Variants in JADE1 observed in about 807,000 individuals in gnomAD.
JADE1 encodes jade family PHD finger 1.
A neutral mutation model predicts 81.8 loss-of-function variants in JADE1; 14 were observed. The ratio of observed to expected loss-of-function variants is 0.17; its 90% CI spans 0.11 to 0.27. The LOEUF is 0.27. Ranked by LOEUF, JADE1 falls within the 10% of genes least tolerant of loss-of-function variation. The pLI is 1.00. For missense variants in JADE1, 690 were observed against 1,047.9 expected, an observed-to-expected ratio of 0.66 and a Z score of 4.71; for synonymous variants, 353 against 391.9, an observed-to-expected ratio of 0.90 and a Z score of 1.17.
chr4:128,825,794 G>A (rs1009690714), intron 1 of JADE1, among the ~76,000 whole-genome samples: 3 of 152,218 alleles, frequency 2.0e-5, no homozygotes, highest in African/African-American at 7.2e-5. Flanking sequence ...CATGACAGAA[G>A]GGATCCAAGG....
chr4:128,861,375 C>T (rs567725950), intron 8 of JADE1, among the ~76,000 whole-genome samples: 57 of 152,270 alleles, frequency 3.7e-4, no homozygotes, highest in African/African-American at 1.3e-3. Context: ...CCTTAAATTC[C>T]AAGACTTGGC....
Position 128,855,678 on chromosome 4 carries a change from A to T in JADE1, c.745A>T (p.Thr249Ser), listed in dbSNP as rs1730735969. ...KVPEGSWLCR[T>S]CALGVQPKCL... is the part of the protein sequence containing the mutation. ...ACCAGAGGGCAGCTGGCTGTGCCGG[A>T]CATGTGCCCTGGGGGTTCAGCCAAA... The change falls in exon 7 of 11, where the codon ACA becomes TCA. Residue 249 changes from threonine to serine, a missense_variant. By Grantham distance (58) the Thr-to-Ser change is moderately conservative. Coordinates refer to ENST00000226319, the MANE Select transcript of JADE1 (RefSeq NM_199320.4). 2 of 1,614,130 alleles carry T rather than the reference A, an allele frequency of 1.2e-6. No individual in the cohort carries two copies. Among genetic ancestry groups the T allele is most frequent in the Non-Finnish European group, 1.7e-6 (2 of 1,179,986 alleles).
rs1732379734 is a variant in JADE1 at position 128,873,800 on chromosome 4, TAATGA to T, written c.*1540_*1544del. ...CATATGGCAGGGACATTATGATACT[TAATGA>T]ATAATGCTTTGAGGAGTTCTGCAGT... On this transcript the variant is annotated 3_prime_UTR_variant, in exon 11 of 11. Coordinates refer to ENST00000226319, the MANE Select transcript of JADE1 (RefSeq NM_199320.4). 1 of 152,616 alleles carries T rather than the reference TAATGA, an allele frequency of 6.6e-6. No individual in the cohort carries two copies. The highest frequency in any genetic ancestry group is 1.5e-5 in the Non-Finnish European group (1 of 68,044). 9.5% of individuals were successfully genotyped at this position (152,616 alleles called of 1,614,324 possible). A position where few individuals can be genotyped will look rare whatever the true frequency, so the allele number is the denominator to read the frequency against.
In JADE1 at chr4:128,861,739, G is replaced by A. The variant is rs373079626; in HGVS notation, c.1017G>A (p.Val339=). ...SVKNCRTAFH[V]TCAFDRGLEM... is the part of the protein sequence containing the mutation. ...AGAACTGCCGCACAGCCTTCCATGT[G>A]ACCTGTGCTTTTGACCGGGGCCTGG... is the stretch of plus-strand genomic sequence containing the variant. The change falls in exon 9 of 11, where the codon GTG becomes GTA. Residue 339 remains valine (V), a synonymous_variant. Transcript: ENST00000226319. 6.2e-6 allele frequency: 10 copies of A among 1,614,028 alleles called. No homozygotes were observed. In the African/African-American group the frequency reaches 1.3e-4, roughly 22 times the overall value.
At chr4:128,825,609 T>C (rs188385708) in intron 1 of JADE1, among the ~76,000 whole-genome samples, 190 of 152,334 alleles carry the variant, frequency 1.2e-3, no homozygotes, top group Middle Eastern at 3.4e-3. Flanking sequence ...CTGGTGACTT[T>C]TATAGCACTT....
intron 3 of JADE1, among the ~76,000 whole-genome samples, chr4:128,844,386 T>C (rs545409859): frequency 6.6e-6 from 1 of 152,192 alleles, no homozygotes; most frequent in Non-Finnish European, 1.5e-5. Flanking sequence ...CCAAACTATA[T>C]GTATGGCACT....
At chr4:128,820,358 C>T (rs375093246) in intron 1 of JADE1, among the ~76,000 whole-genome samples, 5 of 151,984 alleles carry the variant, frequency 3.3e-5, no homozygotes, top group African/African-American at 1.2e-4. Context: ...GTGATCCACC[C>T]ACCTCACCCT....
intron 8 of JADE1, among the ~76,000 whole-genome samples, chr4:128,859,557 ATG>A (rs1034855696): frequency 7.5e-5 from 8 of 107,018 alleles, no homozygotes; most frequent in Admixed American, 4.7e-4. Context: ...GTATATGTGT[ATG>A]TGTGTGAGTA....
Position 128,862,090 on chromosome 4 carries a change from G to A in JADE1, c.1368G>A (p.Leu456=). The A allele has an allele frequency of 1.9e-6, 3 of 1,614,188 alleles. No homozygotes were observed. The highest frequency in any genetic ancestry group is 2.5e-6 in the Non-Finnish European group (3 of 1,180,032). Residue 456 remains leucine, a synonymous_variant, in exon 9 of 11, where the codon TTG becomes TTA. Coordinates refer to ENST00000226319, the MANE Select transcript of JADE1 (RefSeq NM_199320.4). ...VVDFLYQYWK[L]KRKVNFNKPL... ...ATTTCCTGTACCAGTACTGGAAGTT[G>A]AAGAGGAAGGTCAACTTCAACAAGC...
chr4:128,836,431 A>G lies in JADE1; in HGVS notation c.52+4621A>G, dbSNP rs73847002. Among the ~76,000 whole-genome samples, 1,064 of 152,188 alleles carry G rather than the reference A, an allele frequency of 7.0e-3. 7 individuals are homozygous for G. The highest frequency in any genetic ancestry group is 0.024 in the African/African-American group (1,007 of 41,528). On this transcript the variant is annotated intron_variant, in intron 2 of 10. Transcript: ENST00000226319. ...TATAAAATATACTATTCATTGAGTG[A>G]AAGTAGATAATCATAAAGGTCTTCA...
At chr4:128,828,238 AATTG>A (rs1469751024) in intron 1 of JADE1, among the ~76,000 whole-genome samples, 1 of 152,154 alleles carries the variant, frequency 6.6e-6, no homozygotes, top group African/African-American at 2.4e-5. Context: ...TAGCCATTTT[AATTG>A]ATTATTACTT....
chr4:128,862,051 T>G lies in JADE1; in HGVS notation c.1329T>G (p.Pro443=). 2 of 1,614,140 alleles carry G rather than the reference T, an allele frequency of 1.2e-6. No homozygotes were observed. The highest frequency in any genetic ancestry group is 1.7e-6 in the Non-Finnish European group (2 of 1,180,020). Residue 443 remains proline (P), a synonymous_variant, in exon 9 of 11, where the codon CCT becomes CCG. Transcript: ENST00000226319. ...ATGTTGCCAGGGCTCTGCGGCTGCCTGAGGAAGTAGTGGATTTCCTGTACC... is the reference window on the plus strand; with the variant it reads ...ATGTTGCCAGGGCTCTGCGGCTGCCGGAGGAAGTAGTGGATTTCCTGTACC... The part of the protein sequence containing the change: ...LLDVARALRL[P]EEVVDFLYQY...
intron 6 of JADE1, among the ~76,000 whole-genome samples, chr4:128,854,517 A>T (rs929286812): frequency 6.6e-6 from 1 of 152,108 alleles, no homozygotes; most frequent in Non-Finnish European, 1.5e-5. Flanking sequence ...ACGGTAGCTT[A>T]TTTATGGCCC....
intron 10 of JADE1, among the ~76,000 whole-genome samples, chr4:128,869,386 T>G (rs1472602203): frequency 2.0e-5 from 3 of 152,226 alleles, no homozygotes; most frequent in Non-Finnish European, 4.4e-5. Context: ...TCTGTTTAAC[T>G]GCCTTGGAAG....
intron 1 of JADE1, among the ~76,000 whole-genome samples, chr4:128,814,406 A>G (rs1483335866): frequency 1.3e-5 from 2 of 152,330 alleles, no homozygotes; most frequent in East Asian, 3.9e-4. Context: ...TGTTACATGT[A>G]CGTTTTTGAA....
intron 9 of JADE1, chr4:128,863,230 C>T (rs1731512166): frequency 1.0e-6 from 1 of 985,558 alleles, no homozygotes; most frequent in Non-Finnish European, 1.2e-6. Flanking sequence ...GGGCCTCCTG[C>T]TCCCTGTAGG....
intron 9 of JADE1, among the ~76,000 whole-genome samples, chr4:128,865,904 A>G (rs1436891877): frequency 6.6e-6 from 1 of 152,256 alleles, no homozygotes; most frequent in Admixed American, 6.5e-5. Flanking sequence ...TCTGATTTGA[A>G]TATGAGAGCA....
chr4:128,835,733 A>G (rs900118598), intron 2 of JADE1, among the ~76,000 whole-genome samples: 2 of 152,202 alleles, frequency 1.3e-5, no homozygotes, highest in African/African-American at 4.8e-5. Flanking sequence ...CAAGTGAAGG[A>G]GAGGCAGCTG....
Position 128,842,961 on chromosome 4 carries a change from A to G in JADE1, c.61A>G (p.Thr21Ala). The part of the protein sequence containing the change: ...EDSDDNGSLS[T>A]TWSQNSRSQH... The stretch of plus-strand genomic sequence containing the variant: ...GATATTTGTTTCTTTAGGCCTGTCA[A>G]CTACTTGGTCCCAGAATTCCCGATC... The change falls in exon 3 of 11, where the codon ACT (threonine) becomes GCT (alanine). Residue 21 changes from threonine (T) to alanine (A), a missense_variant. By Grantham distance (58) the Thr-to-Ala change is moderately conservative. Around this residue, in one of 8 missense-constraint regions of JADE1, gnomAD observed 59 missense variants for 52.8 expected, o/e 1.12. Transcript: ENST00000226319. 6.2e-7 allele frequency: 1 copy of G among 1,613,846 alleles called. No individual in the cohort carries two copies. Among genetic ancestry groups the G allele is most frequent in the African/African-American group, 1.3e-5 (1 of 75,038 alleles).
Sources: gnomAD v4.1 joint callset for allele counts (sites outside exome capture counted in the v4.1 genomes callset) on GRCh38, gnomAD v4.1.1 for gene constraint, gnomAD v4.1.1 regional missense constraint, MANE v1.5 for transcripts, NCBI Gene and HGNC (gene_info 2026-07-23, HGNC 2026-07-21) for gene names.